NUP188: variants seen among roughly 807,000 people sequenced by gnomAD.
The protein encoded by NUP188 is nucleoporin NUP188.
NUP188 carries 97 observed loss-of-function variants against 223.0 expected under a neutral mutation model. That is an observed-to-expected ratio of 0.43 (90% CI 0.37 to 0.51). The LOEUF (loss-of-function observed/expected upper bound fraction) is 0.51, where lower values mean the gene tolerates loss of function less well. Among genes scored for constraint, NUP188 ranks in the 20% least tolerant of loss-of-function variants. The pLI is 0.00. For synonymous variants in NUP188, 869 were observed against 828.0 expected (o/e 1.05, Z -0.85); for missense variants, 1,947 against 2,175.6 (o/e 0.89, Z 2.09).
intron 38 of NUP188, chr9:129,003,993 A>G (rs1448740315): frequency 4.9e-6 from 1 of 205,966 alleles, no homozygotes; most frequent in Non-Finnish European, 9.4e-6. Flanking sequence ...AAAAAAAAAA[A>G]TGGCCGGGTG....
At chr9:128,978,348 G>T (rs187040010) in intron 12 of NUP188, among the ~76,000 whole-genome samples, 85 of 152,030 alleles carry the variant, frequency 5.6e-4, no homozygotes, top group African/African-American at 2.0e-3. Flanking sequence ...CGGATCACGA[G>T]GTCAGGAGAT....
At chr9:128,993,724 G>T (rs1216350176) in intron 27 of NUP188, 30 bp downstream of exon 27, 2 of 1,603,866 alleles carry the variant, frequency 1.2e-6, no homozygotes, top group Non-Finnish European at 1.7e-6. Flanking sequence ...TAGTTTCATT[G>T]TTCTGGTCTA....
At chr9:128,979,175 G>A (rs932092249) in intron 12 of NUP188, 87 bp from the exon 13 acceptor site, 5 of 948,018 alleles carry the variant, frequency 5.3e-6, no homozygotes, top group Middle Eastern at 2.2e-4. Context: ...TGGTGTTTTG[G>A]TGTTTTTATT....
intron 32 of NUP188, 147 bp from the exon 33 acceptor site, chr9:128,999,025 G>T: frequency 1.6e-6 from 1 of 614,000 alleles, no homozygotes; most frequent in South Asian, 1.9e-5. Context: ...CCTAATTTTT[G>T]TATTTTTAGT....
chr9:128,998,071 C>A, intron 30 of NUP188, 80 bp from the exon 31 acceptor site: 2 of 953,434 alleles, frequency 2.1e-6, no homozygotes, highest in Non-Finnish European at 3.5e-6. Context: ...GACTAATTGC[C>A]TAGCAGAGGA....
In NUP188 at chr9:128,993,648, C is replaced by T. The variant is rs1277710023; in HGVS notation, c.2971C>T (p.Leu991=). The change falls in exon 27 of 44, where the codon CTG becomes TTG. Residue 991 remains leucine, a synonymous_variant. Transcript: ENST00000372577. ...HRAAIAFLHA[L]WQDRRDSAML... ...TGCCGCCATTGCCTTTTTGCATGCT[C>T]TGTGGCAGGATCGGAGGGACAGTGC... The T allele has an allele frequency of 1.9e-6, 3 of 1,614,218 alleles. No individual in the cohort carries two copies. Among genetic ancestry groups the T allele is most frequent in the Non-Finnish European group, 2.5e-6 (3 of 1,180,036 alleles).
At chr9:128,987,831 T>G in intron 23 of NUP188, 114 bp downstream of exon 23, 1 of 1,405,958 alleles carries the variant, frequency 7.1e-7, no homozygotes, top group Non-Finnish European at 9.8e-7. Flanking sequence ...TTGTTCTTCC[T>G]AGGACATAGC....
At chr9:128,978,940 A>G (rs1440013562) in intron 12 of NUP188, among the ~76,000 whole-genome samples, 2 of 152,142 alleles carry the variant, frequency 1.3e-5, no homozygotes. Context: ...CGAACTCCTG[A>G]CCTCAAGTGA....
Position 128,993,313 on chromosome 9 carries a change from A to G in NUP188, c.2757A>G (p.Leu919=), listed in dbSNP as rs1224162699. The stretch of plus-strand genomic sequence containing the variant: ...ACATGCGCATCAAAGTCATGATTCT[A>G]GAGTTCCTCACTGTTGCAGTAGAGA... ...IEDMRIKVMI[L]EFLTVAVETQ... is the part of the protein sequence containing the mutation. Residue 919 remains leucine, a synonymous_variant, in exon 26 of 44, where the codon CTA becomes CTG. Coordinates refer to ENST00000372577, the MANE Select transcript of NUP188 (RefSeq NM_015354.3). 1 of 1,614,198 alleles carries G rather than the reference A, an allele frequency of 6.2e-7. No individual in the cohort carries two copies. The highest frequency in any genetic ancestry group is 2.2e-5 in the East Asian group (1 of 44,892).
Position 128,993,710 on chromosome 9 carries a change from G to A in NUP188, c.3017+16G>A. 1 of 1,612,388 alleles carries A rather than the reference G, an allele frequency of 6.2e-7. No homozygotes were observed. Among genetic ancestry groups the A allele is most frequent in the African/African-American group, 1.3e-5 (1 of 75,000 alleles). On this transcript the variant is annotated intron_variant, in intron 27 of 43. Coordinates refer to ENST00000372577, the MANE Select transcript of NUP188 (RefSeq NM_015354.3). ...TCCGAACCAAGTAAGTCTGCCTCTG[G>A]GAGTAGTTTCATTGTTCTGGTCTAT...
In NUP188 at chr9:128,987,576, C is replaced by T. The variant is rs1252936815; in HGVS notation, c.2265-13C>T. 7 of 1,607,444 alleles carry T rather than the reference C, an allele frequency of 4.4e-6. No individual in the cohort carries two copies. Among genetic ancestry groups the T allele is most frequent in the East Asian group, 2.2e-5 (1 of 44,756 alleles). Reference sequence around the variant, plus strand: ...GTGGCTCCCTGGTAACTCAGAATACCTCTGTCTTCCAGTCATACTCCCAGC... The same window carrying T: ...GTGGCTCCCTGGTAACTCAGAATACTTCTGTCTTCCAGTCATACTCCCAGC... On this transcript the variant is annotated splice_polypyrimidine_tract_variant and intron_variant, in intron 22 of 43. Coordinates refer to ENST00000372577, the MANE Select transcript of NUP188 (RefSeq NM_015354.3).
chr9:128,955,791 T>G (rs191948185), intron 3 of NUP188, among the ~76,000 whole-genome samples: 1 of 152,254 alleles, frequency 6.6e-6, no homozygotes, highest in East Asian at 1.9e-4. Context: ...GGAATCCTGT[T>G]ATTAGAGAAT....
intron 4 of NUP188, among the ~76,000 whole-genome samples, 189 bp downstream of exon 4, chr9:128,956,623 A>G (rs1354672292): frequency 6.6e-6 from 1 of 152,204 alleles, no homozygotes; most frequent in African/African-American, 2.4e-5. Flanking sequence ...ACTGCATATC[A>G]TAGGGTTTTC....
Position 128,958,025 on chromosome 9 carries a change from G to GTCTGC in NUP188, c.343_344insTCTGC (p.Glu115ValfsTer9). The GTCTGC allele has an allele frequency of 6.2e-7, 1 of 1,613,242 alleles. No individual in the cohort carries two copies. The highest frequency in any genetic ancestry group is 8.5e-7 in the Non-Finnish European group (1 of 1,179,496). On this transcript the variant is annotated frameshift_variant, in exon 6 of 44. Transcript: ENST00000372577. LOFTEE classifies it high-confidence loss of function. The stretch of plus-strand genomic sequence containing the variant: ...TTCTTTTCAGACAGTACTGCAAGAT[G>GTCTGC]AGAGGCAGAGCCAGGCCTTAATCCT...
intron 14 of NUP188, 83 bp downstream of exon 14, chr9:128,980,808 T>G: frequency 6.9e-7 from 1 of 1,446,466 alleles, no homozygotes; most frequent in Non-Finnish European, 9.5e-7. Context: ...CTTTCCACAT[T>G]GCAGTTCTAC....
Position 128,983,466 on chromosome 9 carries a change from C to T in NUP188, c.1885-8C>T. ...TGTGGGCATTTAACTCTTCCTTTTC[C>T]TTCTCAGGTCTGGACTGATCTTCGT... On this transcript the variant is annotated splice_region_variant and splice_polypyrimidine_tract_variant and intron_variant, in intron 18 of 43. Coordinates refer to ENST00000372577, the MANE Select transcript of NUP188 (RefSeq NM_015354.3). 1.9e-6 allele frequency: 3 copies of T among 1,613,920 alleles called. No individual in the cohort carries two copies. Among genetic ancestry groups the T allele is most frequent in the East Asian group, 4.5e-5 (2 of 44,872 alleles).
intron 8 of NUP188, among the ~76,000 whole-genome samples, chr9:128,966,086 C>T (rs1049371192): frequency 1.6e-4 from 25 of 151,956 alleles, no homozygotes; most frequent in African/African-American, 4.8e-4. Context: ...TGAACCACCG[C>T]GCCCGGACTC....
At position 129,003,324 on chromosome 9, in the gene NUP188, A is replaced by G. The variant is rs1448529579; in HGVS notation, c.4304A>G (p.Asn1435Ser). Reference protein sequence around the residue: ...VHQERTLQCLNAVRTVQSLAC... With the variant: ...VHQERTLQCLSAVRTVQSLAC... ...TGTGTGCTTTCCTCCCAGTGCCTCA[A>G]CGCAGTGAGGACAGTGCAGAGTCTG... The change falls in exon 38 of 44, where the codon AAC becomes AGC. Residue 1435 changes from asparagine (N) to serine (S), a missense_variant. Transcript: ENST00000372577. 1 of 1,604,086 alleles carries G rather than the reference A, an allele frequency of 6.2e-7. No homozygotes were observed. Among genetic ancestry groups the G allele is most frequent in the Admixed American group, 1.8e-5 (1 of 56,898 alleles).
In NUP188 at chr9:128,994,594, C is replaced by T. The variant is rs1588288207; in HGVS notation, c.3087+152C>T. 5 of 716,326 alleles carry T rather than the reference C, an allele frequency of 7.0e-6. No individual in the cohort carries two copies. In the East Asian group the frequency reaches 1.2e-4, roughly 18 times the overall value. The allele number at this position is 716,326 out of a possible 1,614,324, so 44.4% of individuals were successfully genotyped here. A position where few individuals can be genotyped will look rare whatever the true frequency, so the allele number is the denominator to read the frequency against. ...AACGTCTTTCTCAGGGAAGTGCCAG[C>T]TTTCTGTCCCTTTGATGTCTTGCTT... is the stretch of plus-strand genomic sequence containing the variant. On this transcript the variant is annotated intron_variant, in intron 28 of 43. Transcript: ENST00000372577.
Sources: gnomAD v4.1 joint callset for allele counts (sites outside exome capture counted in the v4.1 genomes callset) on GRCh38, gnomAD v4.1.1 for gene constraint, MANE v1.5 for transcripts, NCBI Gene and HGNC (gene_info 2026-07-23, HGNC 2026-07-21) for gene names.